The following MMS22L variants were observed in gnomAD, a reference collection of about 807,000 sequenced individuals.
MMS22L encodes the protein protein MMS22-like.
Under a neutral mutation model 159.1 loss-of-function variants are expected in MMS22L, and 74 were observed. The observed-to-expected ratio is 0.47, with a 90% CI of 0.39 to 0.56. The LOEUF (loss-of-function observed/expected upper bound fraction) is 0.56, where lower values mean the gene tolerates loss of function less well. Ranked by LOEUF, MMS22L falls within the 20% of genes least tolerant of loss-of-function variation. MMS22L has a pLI of 0.00. For synonymous variants in MMS22L, 517 were observed against 506.9 expected (o/e 1.02, Z -0.27); for missense variants, 1,351 against 1,422.1 (o/e 0.95, Z 0.80).
At chr6:97,149,570 G>A (rs986386228) in intron 24 of MMS22L, among the ~76,000 whole-genome samples, 7 of 152,260 alleles carry the variant, frequency 4.6e-5, no homozygotes, top group Middle Eastern at 3.4e-3. Context: ...ACTGAAATGC[G>A]TTTTGAGCAA....
chr6:97,207,954 C>T (rs2127929819), intron 14 of MMS22L, among the ~76,000 whole-genome samples: 1 of 152,250 alleles, frequency 6.6e-6, no homozygotes, highest in Non-Finnish European at 1.5e-5. Flanking sequence ...TGAGAGAAAT[C>T]TTGGACCACA....
intron 16 of MMS22L, among the ~76,000 whole-genome samples, chr6:97,180,951 T>G (rs1469445934): frequency 6.6e-6 from 1 of 152,070 alleles, no homozygotes; most frequent in Non-Finnish European, 1.5e-5. Flanking sequence ...AAAACTACGT[T>G]AAGATGAGGG....
rs565654250 is a variant in MMS22L, at chr6:97,174,261, A to T, written c.2680-1039T>A. 6.0e-3 allele frequency among the ~76,000 whole-genome samples: 869 copies of T among 143,640 alleles called. 4 individuals are homozygous for T. The highest frequency in any genetic ancestry group is 9.7e-3 in the Non-Finnish European group (642 of 65,994). 94.2% of individuals were successfully genotyped at this position (143,640 alleles called of 152,430 possible). Reference sequence around the variant, plus strand: ...AGCAAGACTGTCTCAAAAAAAAAATAAAAAAAAAAAAAAAATAAAAAGAAA... The same window carrying T: ...AGCAAGACTGTCTCAAAAAAAAAATTAAAAAAAAAAAAAAATAAAAAGAAA... On this transcript the variant is annotated intron_variant, in intron 18 of 24. Coordinates refer to ENST00000683635, the MANE Select transcript of MMS22L (RefSeq NM_001350599.2).
rs765587426 is a variant in MMS22L at position 97,278,843 on chromosome 6, A to G, written c.340+6T>C. 6.2e-7 allele frequency: 1 copy of G among 1,612,628 alleles called. No homozygotes were observed. The highest frequency in any genetic ancestry group is 2.2e-5 in the East Asian group (1 of 44,794). On this transcript the variant is annotated splice_donor_region_variant and intron_variant, in intron 4 of 24. Coordinates refer to ENST00000683635, the MANE Select transcript of MMS22L (RefSeq NM_001350599.2). ...CCCTTTTGCATTAAACACACCTTAA[A>G]CTTACCAAAATCACAACTGGACTGT... is the stretch of plus-strand genomic sequence containing the variant.
chr6:97,230,101 T>C (rs1486036450), intron 13 of MMS22L, among the ~76,000 whole-genome samples: 1 of 152,072 alleles, frequency 6.6e-6, no homozygotes, highest in Non-Finnish European at 1.5e-5. Context: ...TGGTTTTTTG[T>C]TTTTTGTTTT....
At chr6:97,177,938 A>T (rs2128265780) in intron 18 of MMS22L, among the ~76,000 whole-genome samples, 2 of 152,314 alleles carry the variant, frequency 1.3e-5, no homozygotes, top group Middle Eastern at 6.8e-3. Flanking sequence ...ATTAATAATT[A>T]AAAATAAAAT....
At chr6:97,270,386 T>C (rs577652326) in intron 6 of MMS22L, 8 of 403,574 alleles carry the variant, frequency 2.0e-5, no homozygotes, top group African/African-American at 1.1e-4. Context: ...GGAACTCCTA[T>C]AAAATATTTT....
At chr6:97,147,046 T>A (rs944887461) in intron 24 of MMS22L, among the ~76,000 whole-genome samples, 159 bp from the exon 25 acceptor site, 4 of 152,204 alleles carry the variant, frequency 2.6e-5, no homozygotes, top group African/African-American at 7.2e-5. Flanking sequence ...TAATGCTTTA[T>A]ATCTATTGTG....
chr6:97,148,160 C>T (rs1176321526), intron 24 of MMS22L, among the ~76,000 whole-genome samples: 1 of 152,072 alleles, frequency 6.6e-6, no homozygotes, highest in Non-Finnish European at 1.5e-5. Flanking sequence ...ATGCCTTACT[C>T]GTGTTGTTTG....
At chr6:97,248,511 T>C (rs534617080) in intron 10 of MMS22L, among the ~76,000 whole-genome samples, 2 of 152,300 alleles carry the variant, frequency 1.3e-5, no homozygotes, top group South Asian at 2.1e-4. Flanking sequence ...ACAAATAAAA[T>C]GAATGCAAAA....
At chr6:97,148,216 A>G (rs1801004982) in intron 24 of MMS22L, among the ~76,000 whole-genome samples, 1 of 152,236 alleles carries the variant, frequency 6.6e-6, no homozygotes, top group East Asian at 1.9e-4. Context: ...CAGTCATATA[A>G]AAGTCTAGCA....
intron 14 of MMS22L, among the ~76,000 whole-genome samples, chr6:97,199,441 C>G (rs1473413935): frequency 6.6e-6 from 1 of 152,124 alleles, no homozygotes; most frequent in African/African-American, 2.4e-5. Context: ...AATGTCCAGT[C>G]TCTTCCCCCC....
intron 11 of MMS22L, among the ~76,000 whole-genome samples, chr6:97,242,716 A>G (rs1021909462): frequency 3.3e-5 from 5 of 152,078 alleles, no homozygotes; most frequent in Admixed American, 6.6e-5. Context: ...TTTGTTTGGT[A>G]TATTTTGAGG....
At chr6:97,258,385 C>T (rs1032594587) in intron 9 of MMS22L, among the ~76,000 whole-genome samples, 3 of 152,122 alleles carry the variant, frequency 2.0e-5, no homozygotes, top group Non-Finnish European at 2.9e-5. Context: ...TTCAAAGACT[C>T]GTTTCCTTTC....
chr6:97,243,971 A>C (rs1812360791), intron 11 of MMS22L, among the ~76,000 whole-genome samples: 1 of 152,146 alleles, frequency 6.6e-6, no homozygotes, highest in East Asian at 1.9e-4. Context: ...TGGAGGTAGC[A>C]GGGGAGTGAA....
At chr6:97,244,330 TTA>T (rs1227158112) in intron 11 of MMS22L, among the ~76,000 whole-genome samples, 3 of 152,246 alleles carry the variant, frequency 2.0e-5, no homozygotes, top group African/African-American at 7.2e-5. Flanking sequence ...TCCCATGAGT[TTA>T]TGTTTTCTAT....
chr6:97,281,303 A>G lies in MMS22L; in HGVS notation c.224T>C (p.Phe75Ser). ...TGTTTCAGTAACCCACTGAATGCCA[A>G]ATATTTCCAAGGTATCTTCTTCAAA... ...TNFEEDTLEI[F>S]GIQWVTETAL... Residue 75 changes from phenylalanine to serine, a missense_variant, in exon 3 of 25, where the codon TTT becomes TCT. Transcript: ENST00000683635. 1.9e-6 allele frequency: 3 copies of G among 1,610,286 alleles called. No individual in the cohort carries two copies. Among genetic ancestry groups the G allele is most frequent in the Non-Finnish European group, 2.5e-6 (3 of 1,178,304 alleles).
intron 4 of MMS22L, among the ~76,000 whole-genome samples, chr6:97,276,654 C>T (rs895594330): frequency 6.6e-6 from 1 of 152,190 alleles, no homozygotes; most frequent in African/African-American, 2.4e-5. Context: ...ACACACATCA[C>T]GTCTTTGTTT....
chr6:97,261,711 T>C (rs1814503185), intron 9 of MMS22L: 1 of 152,174 alleles, frequency 6.6e-6, no homozygotes, highest in Non-Finnish European at 1.5e-5. Flanking sequence ...GTAGATATAT[T>C]TGATTTTGCT....
Sources: gnomAD v4.1 joint callset for allele counts (sites outside exome capture counted in the v4.1 genomes callset) on GRCh38, gnomAD v4.1.1 for gene constraint, MANE v1.5 for transcripts, NCBI Gene and HGNC (gene_info 2026-07-23, HGNC 2026-07-21) for gene names.